The following GRIK1 variants were observed in gnomAD, a reference collection of about 807,000 sequenced individuals.
GRIK1 encodes glutamate ionotropic receptor kainate type subunit 1.
Under a neutral mutation model 105.7 loss-of-function variants are expected in GRIK1, and 69 were observed. The observed-to-expected ratio is 0.65, with a 90% CI of 0.54 to 0.80. The LOEUF (loss-of-function observed/expected upper bound fraction) is 0.80, where lower values mean the gene tolerates loss of function less well. Ranked by LOEUF, GRIK1 falls within the 30% of genes least tolerant of loss-of-function variation. The pLI, the probability that GRIK1 is intolerant of heterozygous loss-of-function variation, is 0.00. For missense variants in GRIK1, 1,109 were observed against 1,167.3 expected (o/e 0.95, Z 0.73); for synonymous variants, 438 against 431.3 (o/e 1.02, Z -0.19).
At chr21:29,570,852 T>G (rs2090728825) in intron 14 of GRIK1, among the ~76,000 whole-genome samples, 1 of 151,878 alleles carries the variant, frequency 6.6e-6, no homozygotes, top group Admixed American at 6.6e-5. Context: ...GCTTTTTTTT[T>G]TTTTGATGGA....
intron 1 of GRIK1, among the ~76,000 whole-genome samples, chr21:29,793,972 AT>A (rs1230078545): frequency 6.6e-6 from 1 of 152,172 alleles, no homozygotes; most frequent in Non-Finnish European, 1.5e-5. Context: ...TATGACAATT[AT>A]TTTTTATAAT....
chr21:29,857,588 C>T (rs555940766), intron 1 of GRIK1, among the ~76,000 whole-genome samples: 1 of 152,260 alleles, frequency 6.6e-6, no homozygotes, highest in South Asian at 2.1e-4. Context: ...TAGACATTGG[C>T]TATTTCCAGA....
chr21:29,751,669 G>C (rs1466013907), intron 1 of GRIK1, among the ~76,000 whole-genome samples: 2 of 152,116 alleles, frequency 1.3e-5, no homozygotes, highest in Non-Finnish European at 2.9e-5. Flanking sequence ...CTCTCAGCCT[G>C]ACACACCCAG....
chr21:29,651,335 T>G, intron 5 of GRIK1, 44 bp from the exon 6 acceptor site: 1 of 1,308,656 alleles, frequency 7.6e-7, no homozygotes. Context: ...TAATTAGAAT[T>G]TTCATTTTTT....
chr21:29,669,042 G>A (rs558285969), intron 4 of GRIK1, among the ~76,000 whole-genome samples: 9 of 152,244 alleles, frequency 5.9e-5, no homozygotes, highest in Non-Finnish European at 8.8e-5. Context: ...CATGAAGAAA[G>A]TTCATATGAA....
intron 1 of GRIK1, among the ~76,000 whole-genome samples, chr21:29,765,914 C>T (rs548278893): frequency 1.5e-4 from 23 of 151,824 alleles, no homozygotes; most frequent in Non-Finnish European, 2.8e-4. Flanking sequence ...TGCAGTGGCG[C>T]GATCTCGGCT....
chr21:29,603,055 C>T (rs2061547315), intron 7 of GRIK1, among the ~76,000 whole-genome samples: 1 of 151,938 alleles, frequency 6.6e-6, no homozygotes, highest in Non-Finnish European at 1.5e-5. Context: ...AACTGGCACA[C>T]CTTTAAATAT....
In GRIK1 at chr21:29,615,055, A is replaced by G. The variant is rs541121563; in HGVS notation, c.1099-16118T>C. The stretch of plus-strand genomic sequence containing the variant: ...ACTAAGTTCTTGTTGAATGAGCGAT[A>G]GAATCTATCAAGGTCAATTCAAATG... On this transcript the variant is annotated intron_variant, in intron 7 of 17. Transcript: ENST00000327783. Among the ~76,000 whole-genome samples the G allele has an allele frequency of 9.9e-4, 151 of 151,832 alleles. 3 individuals are homozygous for G. The highest frequency in any genetic ancestry group is 3.5e-3 in the African/African-American group (142 of 41,094).
chr21:29,699,220 T>C (rs1229896645), intron 1 of GRIK1, among the ~76,000 whole-genome samples: 4 of 152,200 alleles, frequency 2.6e-5, no homozygotes, highest in African/African-American at 4.8e-5. Flanking sequence ...ATGGACTGAA[T>C]TGCATCCTCC....
intron 9 of GRIK1, among the ~76,000 whole-genome samples, chr21:29,594,185 ATGTGTGTGTG>A (rs35296703): frequency 1.3e-5 from 2 of 150,372 alleles, no homozygotes; most frequent in African/African-American, 4.9e-5. Context: ...AGAACTGTGT[ATGTGTGTGTG>A]TGTGTGTGTG....
chr21:29,570,994 C>T (rs1383847843), intron 14 of GRIK1, among the ~76,000 whole-genome samples: 1 of 152,132 alleles, frequency 6.6e-6, no homozygotes, highest in African/African-American at 2.4e-5. Flanking sequence ...ATATGAATGA[C>T]CCTGAAGGAA....
At chr21:29,812,250 T>A (rs1051326186) in intron 1 of GRIK1, among the ~76,000 whole-genome samples, 3 of 152,184 alleles carry the variant, frequency 2.0e-5, no homozygotes, top group Admixed American at 6.6e-5. Flanking sequence ...GAGTTCTTCA[T>A]GCATTTGGGA....
At chr21:29,551,134 A>T (rs969404434) in intron 16 of GRIK1, among the ~76,000 whole-genome samples, 5 of 152,362 alleles carry the variant, frequency 3.3e-5, no homozygotes, top group Middle Eastern at 3.4e-3. Context: ...AATAGGCTTC[A>T]GAAGTGCTGA....
intron 16 of GRIK1, among the ~76,000 whole-genome samples, chr21:29,550,329 G>C (rs888201636): frequency 6.6e-6 from 1 of 152,106 alleles, no homozygotes; most frequent in Non-Finnish European, 1.5e-5. Context: ...GAAAGGGTCT[G>C]TCAGATTGAA....
At chr21:29,814,759 G>A (rs1167529263) in intron 1 of GRIK1, among the ~76,000 whole-genome samples, 1 of 152,114 alleles carries the variant, frequency 6.6e-6, no homozygotes, top group Non-Finnish European at 1.5e-5. Flanking sequence ...TGGTAAACCT[G>A]GAGGATGTAC....
rs1466602054 is a variant in GRIK1, at chr21:29,626,490, A to T, written c.1098+16336T>A. The stretch of plus-strand genomic sequence containing the variant: ...GAACACATGAAGAAAACACCAGGGG[A>T]GGACACAGCAAGAAGGTGGCCATCT... On this transcript the variant is annotated intron_variant, in intron 7 of 17. Transcript: ENST00000327783. Among the ~76,000 whole-genome samples the T allele has an allele frequency of 2.6e-5, 4 of 152,314 alleles. No individual in the cohort carries two copies. The East Asian group carries it at 5.8e-4, about 22-fold the overall frequency.
chr21:29,678,955 G>GT (rs1450781603), intron 3 of GRIK1, among the ~76,000 whole-genome samples: 1 of 152,140 alleles, frequency 6.6e-6, no homozygotes, highest in Admixed American at 6.6e-5. Flanking sequence ...TATTATTTCT[G>GT]TTTTCTATGG....
intron 15 of GRIK1, among the ~76,000 whole-genome samples, chr21:29,559,008 G>A (rs9680426): frequency 0.076 from 11,612 of 152,150 alleles, 919 homozygotes; most frequent in African/African-American, 0.2. Flanking sequence ...TTAAATCATT[G>A]TTAACAGACA....
At chr21:29,902,715 T>A (rs1276995065) in intron 1 of GRIK1, among the ~76,000 whole-genome samples, 1 of 152,224 alleles carries the variant, frequency 6.6e-6, no homozygotes, top group African/African-American at 2.4e-5. Context: ...ATGGCCTTAC[T>A]GTCCAAAGTA....
Sources: gnomAD v4.1 joint callset for allele counts (sites outside exome capture counted in the v4.1 genomes callset) on GRCh38, gnomAD v4.1.1 for gene constraint, MANE v1.5 for transcripts, NCBI Gene and HGNC (gene_info 2026-07-23, HGNC 2026-07-21) for gene names.